The following OSMR variants were observed in gnomAD, a reference collection of about 807,000 sequenced individuals.
OSMR encodes the protein oncostatin-M-specific receptor subunit beta.
In OSMR, 81 loss-of-function variants were observed where a neutral mutation model predicts 99.9. The observed-to-expected ratio is 0.81, with a 90% CI of 0.68 to 0.97. The LOEUF (loss-of-function observed/expected upper bound fraction) is 0.97, where lower values mean the gene tolerates loss of function less well. OSMR is among the 50% of genes least tolerant of loss of function. The pLI is 0.00. For missense variants in OSMR, 1,099 were observed against 1,153.4 expected, an observed-to-expected ratio of 0.95 and a Z score of 0.68; for synonymous variants, 406 against 410.4, an observed-to-expected ratio of 0.99 and a Z score of 0.13.
rs79111374 is a variant in OSMR at position 38,920,767 on chromosome 5, G to A, written c.1586-848G>A. ...TTCTTAGTGTAAGTCTGTGGAAAGA[G>A]GAGAAATTCTCATGCCTCAAGGTTA... is the stretch of plus-strand genomic sequence containing the variant. On this transcript the variant is annotated intron_variant, in intron 11 of 17. Coordinates refer to ENST00000274276, the MANE Select transcript of OSMR (RefSeq NM_003999.3). Among the ~76,000 whole-genome samples, 40 of 152,298 alleles carry A rather than the reference G, an allele frequency of 2.6e-4. No individual in the cohort carries two copies. In the East Asian group the frequency reaches 6.4e-3, roughly 24 times the overall value.
intron 1 of OSMR, among the ~76,000 whole-genome samples, chr5:38,861,647 C>CG (rs1289249988): frequency 1.3e-5 from 2 of 152,192 alleles, no homozygotes; most frequent in Admixed American, 1.3e-4. Context: ...ACCTCCCAGA[C>CG]GGGGTGGTGG....
downstream of OSMR, among the ~76,000 whole-genome samples, chr5:38,936,146 T>C (rs1187486056): frequency 2.6e-5 from 4 of 152,272 alleles, no homozygotes; most frequent in Admixed American, 6.5e-5. Flanking sequence ...AAAAGTAGAA[T>C]AGTTTAATAA....
At chr5:38,904,326 C>G in intron 8 of OSMR, 27 bp from the exon 9 acceptor site, 5 of 1,608,026 alleles carry the variant, frequency 3.1e-6, no homozygotes, top group Non-Finnish European at 4.2e-6. Context: ...TCTCTTTTTT[C>G]TTTTCTTCTC....
chr5:38,921,089 A>C (rs556466776), intron 11 of OSMR, among the ~76,000 whole-genome samples: 4 of 152,330 alleles, frequency 2.6e-5, no homozygotes, highest in Admixed American at 2.0e-4. Context: ...TTATTCATTC[A>C]ACAGGTATTT....
At chr5:38,928,204 A>C (rs1746558152) in intron 15 of OSMR, among the ~76,000 whole-genome samples, 1 of 151,948 alleles carries the variant, frequency 6.6e-6, no homozygotes, top group Admixed American at 6.5e-5. Context: ...ACTTTCCCAC[A>C]TCTTCCTCTC....
Position 38,932,974 on chromosome 5 carries a change from A to G in OSMR, c.2470A>G (p.Arg824Gly). ...GACAAAGATACAGTTCCTAGGCACTAGGAAGTCACTCACAGAAACCGAGTT... is the reference window on the plus strand; with the variant it reads ...GACAAAGATACAGTTCCTAGGCACTGGGAAGTCACTCACAGAAACCGAGTT... ...EGTKIQFLGT[R>G]KSLTETELTK... The change falls in exon 18 of 18, where the codon AGG becomes GGG. Residue 824 changes from arginine (R) to glycine (G), a missense_variant. By Grantham distance (125) the Arg-to-Gly change is moderately radical. Transcript: ENST00000274276. 1.9e-6 allele frequency: 3 copies of G among 1,614,210 alleles called. No individual in the cohort carries two copies. The highest frequency in any genetic ancestry group is 2.5e-6 in the Non-Finnish European group (3 of 1,180,020).
Position 38,903,945 on chromosome 5 carries a change from C to T in OSMR, c.1055C>T (p.Thr352Ile). 1 of 1,613,874 alleles carries T rather than the reference C, an allele frequency of 6.2e-7. No individual in the cohort carries two copies. Among genetic ancestry groups the T allele is most frequent in the Non-Finnish European group, 8.5e-7 (1 of 1,179,934 alleles). ...ENVNATNAIM[T>I]WKVHSIRNNF... ...GTAAATGCCACAAATGCCATCATGA[C>T]CTGGAAGGTGCACTCCATAAGGAAT... Residue 352 changes from threonine (T) to isoleucine (I), a missense_variant, in exon 8 of 18, where the codon ACC becomes ATC. Thr to Ile is a moderately conservative substitution (Grantham distance 89, BLOSUM62 -1). Transcript: ENST00000274276.
At position 38,883,864 on chromosome 5, in the gene OSMR, C is replaced by T; in HGVS notation, c.456C>T (p.Phe152=). 1 of 1,613,454 alleles carries T rather than the reference C, an allele frequency of 6.2e-7. No homozygotes were observed. The highest frequency in any genetic ancestry group is 8.5e-7 in the Non-Finnish European group (1 of 1,179,944). ...DSTGQDILFV[F]PKDKLVEEGT... ...CTGGACAGGATATATTGTTCGTTTTCCCTAAAGATAAGCTGGTGGAAGAAG... is the reference window on the plus strand; with the variant it reads ...CTGGACAGGATATATTGTTCGTTTTTCCTAAAGATAAGCTGGTGGAAGAAG... The change falls in exon 5 of 18, where the codon TTC becomes TTT. Residue 152 remains phenylalanine (F), a synonymous_variant. Coordinates refer to ENST00000274276, the MANE Select transcript of OSMR (RefSeq NM_003999.3).
intron 9 of OSMR, among the ~76,000 whole-genome samples, chr5:38,907,352 A>C (rs987263326): frequency 6.6e-6 from 1 of 152,194 alleles, no homozygotes; most frequent in East Asian, 1.9e-4. Context: ...GACTGGCAGG[A>C]AGAGCTTCTT....
intron 17 of OSMR, 151 bp downstream of exon 17, chr5:38,932,686 G>A (rs963362145): frequency 6.5e-7 from 1 of 1,527,576 alleles, no homozygotes. Context: ...ATAGGTGATT[G>A]GAGCTTTGAT....
At chr5:38,928,903 AC>A (rs1179838273) in intron 15 of OSMR, among the ~76,000 whole-genome samples, 1 of 152,188 alleles carries the variant, frequency 6.6e-6, no homozygotes, top group East Asian at 1.9e-4. Flanking sequence ...TGGTATACAC[AC>A]ACACACATGT....
intron 7 of OSMR, among the ~76,000 whole-genome samples, chr5:38,894,985 A>AT (rs1262197667): frequency 6.6e-6 from 1 of 151,996 alleles, no homozygotes; most frequent in Non-Finnish European, 1.5e-5. Context: ...AAAAGCAAAA[A>AT]AAAAATAAAA....
chr5:38,944,549 C>A, intron 2 of OSMR: 2 of 1,601,712 alleles, frequency 1.2e-6, no homozygotes, highest in South Asian at 1.1e-5. Context: ...ATTGGTGTAT[C>A]ATCTGGAATT....
At chr5:38,898,967 T>TTTTTTC (rs1391702797) in intron 7 of OSMR, among the ~76,000 whole-genome samples, 6 of 138,610 alleles carry the variant, frequency 4.3e-5, no homozygotes, top group African/African-American at 1.6e-4. Context: ...TTTTTTTTTT[T>TTTTTTC]TTTTTTTGAG....
intron 7 of OSMR, 154 bp from the exon 8 acceptor site, chr5:38,903,728 A>G (rs926140316): frequency 1.0e-6 from 1 of 968,900 alleles, no homozygotes; most frequent in African/African-American, 1.8e-5. Context: ...TAGTTGGCTC[A>G]TTCTAGCTTG....
intron 5 of OSMR, among the ~76,000 whole-genome samples, chr5:38,884,419 G>A (rs920845434): frequency 6.6e-6 from 1 of 152,150 alleles, no homozygotes; most frequent in East Asian, 1.9e-4. Context: ...GAATTACTTC[G>A]GGATCATGGA....
intron 3 of OSMR, 165 bp from the exon 4 acceptor site, chr5:38,881,428 C>G (rs1029447186): frequency 1.0e-6 from 1 of 974,178 alleles, no homozygotes; most frequent in Non-Finnish European, 1.2e-6. Context: ...GGCTCCCATG[C>G]GAGGCATCAG....
chr5:38,944,619 TG>T, intron 2 of OSMR: 1 of 1,445,632 alleles, frequency 6.9e-7, no homozygotes, highest in African/African-American at 1.4e-5. Context: ...CACAATAAAA[TG>T]ATTAAAACTC....
chr5:38,852,875 C>T (rs1295423128), intron 1 of OSMR, among the ~76,000 whole-genome samples: 7 of 151,570 alleles, frequency 4.6e-5, no homozygotes, highest in Non-Finnish European at 7.4e-5. Context: ...GGATTACAGG[C>T]GCCCACCACC....
Sources: gnomAD v4.1 joint callset for allele counts (sites outside exome capture counted in the v4.1 genomes callset) on GRCh38, gnomAD v4.1.1 for gene constraint, MANE v1.5 for transcripts, NCBI Gene and HGNC (gene_info 2026-07-23, HGNC 2026-07-21) for gene names.